TPRG1: variants seen among roughly 807,000 people sequenced by gnomAD.
TPRG1 encodes the protein tumor protein p63-regulated gene 1 protein.
In TPRG1, 29 loss-of-function variants were observed where a neutral mutation model predicts 29.3. The observed-to-expected ratio is 0.99, with a 90% CI of 0.74 to 1.35. The LOEUF is 1.35. TPRG1 is among the 40% of genes most tolerant of loss of function. The probability of loss-of-function intolerance (pLI) is 0.00; values close to 1 mark genes in which losing one functional copy is unlikely to be tolerated. For synonymous variants in TPRG1, 130 were observed against 116.8 expected (o/e 1.11, Z -0.73); for missense variants, 327 against 335.0 (o/e 0.98, Z 0.19).
intron 5 of TPRG1, among the ~76,000 whole-genome samples, chr3:189,317,730 C>A (rs1723767806): frequency 6.6e-6 from 1 of 152,114 alleles, no homozygotes; most frequent in Admixed American, 6.6e-5. Flanking sequence ...GTCCCAGTGT[C>A]CCAGTGAGAT....
intron 5 of TPRG1, among the ~76,000 whole-genome samples, chr3:189,312,150 T>TC (rs1722697826): frequency 1.9e-5 from 1 of 52,878 alleles, no homozygotes; most frequent in African/African-American, 8.0e-5. Context: ...TCTTTCTTTC[T>TC]TTCTTTCTTT....
At chr3:189,152,445 T>G (rs554292263) in intron 5 of TPRG1, among the ~76,000 whole-genome samples, 39 of 152,308 alleles carry the variant, frequency 2.6e-4, no homozygotes, top group African/African-American at 9.4e-4. Context: ...GTGGACGGTT[T>G]CCTTTATAAA....
In TPRG1 at chr3:189,265,600, A is replaced by T. The variant is rs1313601240; in HGVS notation, c.479+26691A>T. ...ACACTAAATAGCTCAGGCTGCCTTGAATCTAAGTCTGTCCATTTGACTAAG... is the reference window on the plus strand; with the variant it reads ...ACACTAAATAGCTCAGGCTGCCTTGTATCTAAGTCTGTCCATTTGACTAAG... On this transcript the variant is annotated intron_variant, in intron 4 of 5. Coordinates refer to ENST00000345063, the MANE Select transcript of TPRG1 (RefSeq NM_198485.4). Among the ~76,000 whole-genome samples, 3 of 152,172 alleles carry T rather than the reference A, an allele frequency of 2.0e-5. No individual in the cohort carries two copies. The East Asian group carries it at 5.8e-4, about 29-fold the overall frequency.
At chr3:189,199,338 GGACACT>G (rs1560541369) in intron 1 of TPRG1, among the ~76,000 whole-genome samples, 1 of 152,140 alleles carries the variant, frequency 6.6e-6, no homozygotes, top group Non-Finnish European at 1.5e-5. Flanking sequence ...AAAACATTCT[GGACACT>G]GAAGAAAAAT....
intron 5 of TPRG1, among the ~76,000 whole-genome samples, chr3:189,311,834 A>G (rs1222392177): frequency 2.0e-5 from 3 of 148,422 alleles, no homozygotes; most frequent in Non-Finnish European, 4.6e-5. Context: ...CTGAAAGCCA[A>G]CAAAACAAAA....
At chr3:189,236,622 A>G (rs1268422797) in intron 3 of TPRG1, among the ~76,000 whole-genome samples, 2 of 152,178 alleles carry the variant, frequency 1.3e-5, no homozygotes, top group Non-Finnish European at 2.9e-5. Flanking sequence ...TAACTGTACT[A>G]TGGTATTCTA....
At chr3:189,201,618 G>A (rs544775863) in intron 1 of TPRG1, among the ~76,000 whole-genome samples, 1 of 152,204 alleles carries the variant, frequency 6.6e-6, no homozygotes, top group East Asian at 1.9e-4. Context: ...TAAATCTGAA[G>A]TATGATCCTT....
chr3:189,234,475 G>A lies in TPRG1; in HGVS notation c.303-4258G>A, dbSNP rs187732665. Reference sequence around the variant, plus strand: ...GTTGATACAAAATCGGAAGGATACCGCAGGTAACATTCTGTATCCTGCTCT... The same window carrying A: ...GTTGATACAAAATCGGAAGGATACCACAGGTAACATTCTGTATCCTGCTCT... On this transcript the variant is annotated intron_variant, in intron 3 of 5. Coordinates refer to ENST00000345063, the MANE Select transcript of TPRG1 (RefSeq NM_198485.4). Among the ~76,000 whole-genome samples the A allele has an allele frequency of 4.1e-3, 630 of 152,270 alleles. 6 individuals are homozygous for A. The highest frequency in any genetic ancestry group is 4.5e-3 in the Non-Finnish European group (309 of 68,016).
intron 3 of TPRG1, among the ~76,000 whole-genome samples, chr3:189,021,693 T>A (rs1306274013): frequency 6.6e-6 from 1 of 152,184 alleles, no homozygotes; most frequent in Non-Finnish European, 1.5e-5. Flanking sequence ...CTTTGGTGAA[T>A]CTGACAATTA....
At chr3:189,069,971 C>T in intron 4 of TPRG1, among the ~76,000 whole-genome samples, 1 of 152,096 alleles carries the variant, frequency 6.6e-6, no homozygotes, top group East Asian at 1.9e-4. Context: ...GTCCCAGCTA[C>T]TCGGGAGGCT....
chr3:189,046,994 G>T (rs1029873589), intron 4 of TPRG1, among the ~76,000 whole-genome samples: 1 of 152,134 alleles, frequency 6.6e-6, no homozygotes, highest in Non-Finnish European at 1.5e-5. Context: ...AACCAGAAAA[G>T]CTTTGTTTAA....
chr3:189,282,261 G>C (rs961422623), intron 4 of TPRG1, among the ~76,000 whole-genome samples: 1 of 145,152 alleles, frequency 6.9e-6, no homozygotes, highest in Non-Finnish European at 1.5e-5. Context: ...GGAATCTTAG[G>C]CATCAGTGGA....
chr3:189,254,505 C>T (rs146807400), intron 4 of TPRG1, among the ~76,000 whole-genome samples: 2,584 of 152,218 alleles, frequency 0.017, 28 homozygotes, highest in East Asian at 0.032. Flanking sequence ...GCTATATGGG[C>T]TCATCTTTGG....
At chr3:189,176,377 A>G (rs1469215406) in intron 1 of TPRG1, among the ~76,000 whole-genome samples, 1 of 152,232 alleles carries the variant, frequency 6.6e-6, no homozygotes, top group Non-Finnish European at 1.5e-5. Flanking sequence ...AAGCTATTGA[A>G]TATCTGTTTT....
At chr3:189,284,053 C>G (rs1206447546) in intron 4 of TPRG1, among the ~76,000 whole-genome samples, 1 of 152,118 alleles carries the variant, frequency 6.6e-6, no homozygotes, top group Non-Finnish European at 1.5e-5. Flanking sequence ...CACCGATGCA[C>G]CAATATTACA....
intron 5 of TPRG1, among the ~76,000 whole-genome samples, chr3:189,154,408 C>T (rs1326292775): frequency 6.6e-6 from 1 of 151,582 alleles, no homozygotes; most frequent in Non-Finnish European, 1.5e-5. Context: ...CAACACTGAA[C>T]AAAATAGGCA....
chr3:189,289,229 G>A (rs1389182538), intron 4 of TPRG1, among the ~76,000 whole-genome samples: 1 of 152,088 alleles, frequency 6.6e-6, no homozygotes, highest in Non-Finnish European at 1.5e-5. Context: ...CTTTATTTAT[G>A]AGGATGGCCT....
chr3:189,253,883 G>A (rs906622248), intron 4 of TPRG1, among the ~76,000 whole-genome samples: 1 of 152,116 alleles, frequency 6.6e-6, no homozygotes, highest in Admixed American at 6.6e-5. Flanking sequence ...ATGTTTGTTG[G>A]CCGCATAAAT....
At chr3:189,268,428 G>A (rs1441238137) in intron 4 of TPRG1, among the ~76,000 whole-genome samples, 1 of 152,132 alleles carries the variant, frequency 6.6e-6, no homozygotes, top group East Asian at 1.9e-4. Context: ...ATTGGACAGG[G>A]CCACTCCCCA....
Sources: gnomAD v4.1 joint callset for allele counts (sites outside exome capture counted in the v4.1 genomes callset) on GRCh38, gnomAD v4.1.1 for gene constraint, MANE v1.5 for transcripts, NCBI Gene and HGNC (gene_info 2026-07-23, HGNC 2026-07-21) for gene names.